The following MRPL13 variants were observed in gnomAD, a reference collection of about 807,000 sequenced individuals.
MRPL13 encodes the protein mitochondrial ribosomal protein L13.
In MRPL13, 33 loss-of-function variants were observed where a neutral mutation model predicts 29.0. That is an observed-to-expected ratio of 1.14 (90% confidence interval 0.86 to 1.52). MRPL13 has a LOEUF of 1.52. Ranked by LOEUF, MRPL13 falls within the 40% of genes most tolerant of loss-of-function variation. The probability of loss-of-function intolerance (pLI) is 0.00; values close to 1 mark genes in which losing one functional copy is unlikely to be tolerated. For missense variants in MRPL13, 227 were observed against 216.7 expected, an observed-to-expected ratio of 1.05 and a Z score of -0.30; for synonymous variants, 77 against 68.4, an observed-to-expected ratio of 1.13 and a Z score of -0.62.
rs145713590 is a variant in MRPL13 at position 120,440,396 on chromosome 8, C to A, written c.151+2789G>T. 1.8e-3 allele frequency among the ~76,000 whole-genome samples: 273 copies of A among 152,240 alleles called. 1 individual carries two copies. The highest frequency in any genetic ancestry group is 6.3e-3 in the African/African-American group (262 of 41,544). ...CCAAGGTGGGTGGATCACCTGCGGT[C>A]AGGAGTTCCAGACCAGCCTGGCAAC... On this transcript the variant is annotated intron_variant, in intron 2 of 6. Transcript: ENST00000306185.
intron 1 of MRPL13, chr8:120,444,851 T>C (rs533221704): frequency 9.4e-6 from 3 of 319,972 alleles, no homozygotes; most frequent in African/African-American, 4.8e-5. Context: ...AAGAAAGACA[T>C]GAAAAGGGCA....
At chr8:120,419,689 A>C (rs1001839555) in intron 5 of MRPL13, 163 bp downstream of exon 5, 4 of 417,168 alleles carry the variant, frequency 9.6e-6, no homozygotes, top group Non-Finnish European at 1.7e-5. Context: ...TATTAATAGA[A>C]TTATCATTTT....
chr8:120,438,038 G>A (rs7004447), intron 2 of MRPL13, among the ~76,000 whole-genome samples: 2,091 of 152,200 alleles, frequency 0.014, 43 homozygotes, highest in African/African-American at 0.046. Flanking sequence ...TTCTGGACAC[G>A]AGAAGTTTTG....
At chr8:120,431,947 T>C (rs185270410) in intron 3 of MRPL13, 83 bp downstream of exon 3, 1 of 992,284 alleles carries the variant, frequency 1.0e-6, no homozygotes. Context: ...AAAAATATCT[T>C]TTTTCTTTTA....
At chr8:120,432,679 T>G (rs892690246) in intron 2 of MRPL13, among the ~76,000 whole-genome samples, 6 of 152,118 alleles carry the variant, frequency 3.9e-5, no homozygotes, top group African/African-American at 9.7e-5. Context: ...ACCATGTTTA[T>G]AGTAAATTTA....
In MRPL13 at chr8:120,425,270, T is replaced by C. The variant is rs750144203; in HGVS notation, c.306+36A>G. The C allele has an allele frequency of 2.6e-6, 4 of 1,539,310 alleles. No homozygotes were observed. The East Asian group carries it at 9.0e-5, about 35-fold the overall frequency. On this transcript the variant is annotated intron_variant, in intron 4 of 6. Transcript: ENST00000306185. ...ACAAAACAGTATCTGAATTGGTCTT[T>C]CCAAAGATGATTAATAAAAAATACA... is the stretch of plus-strand genomic sequence containing the variant.
intron 6 of MRPL13, among the ~76,000 whole-genome samples, chr8:120,400,821 A>G (rs1000381339): frequency 6.6e-6 from 1 of 152,058 alleles, no homozygotes; most frequent in Admixed American, 6.6e-5. Context: ...ATAAGGGGGT[A>G]TCACTACTGA....
chr8:120,427,910 C>A (rs2130475527), intron 3 of MRPL13, among the ~76,000 whole-genome samples: 1 of 152,090 alleles, frequency 6.6e-6, no homozygotes, highest in Middle Eastern at 3.4e-3. Context: ...GGCCATACTG[C>A]CCAAAGCAAT....
intron 3 of MRPL13, 148 bp from the exon 4 acceptor site, chr8:120,425,514 G>T (rs979388460): frequency 3.7e-6 from 2 of 544,186 alleles, no homozygotes; most frequent in East Asian, 6.1e-5. Context: ...AGTAATCTAC[G>T]CTTTTTGAAA....
intron 1 of MRPL13, 42 bp downstream of exon 1, chr8:120,445,026 C>A (rs985133076): frequency 6.2e-7 from 1 of 1,613,556 alleles, no homozygotes; most frequent in Non-Finnish European, 8.5e-7. Context: ...CTCCTTCTGC[C>A]AGTATAATGA....
intron 2 of MRPL13, among the ~76,000 whole-genome samples, chr8:120,440,448 A>G (rs1333247736): frequency 1.3e-5 from 2 of 152,122 alleles, no homozygotes; most frequent in Non-Finnish European, 2.9e-5. Flanking sequence ...TCTACTAAAA[A>G]TACAAACTTA....
chr8:120,412,428 C>T (rs924524255), intron 6 of MRPL13, among the ~76,000 whole-genome samples: 11 of 152,150 alleles, frequency 7.2e-5, no homozygotes, highest in African/African-American at 2.4e-4. Flanking sequence ...TGCTAAGTTG[C>T]TCACTTACTC....
intron 2 of MRPL13, 60 bp from the exon 3 acceptor site, chr8:120,432,183 C>A: frequency 7.6e-7 from 1 of 1,320,676 alleles, no homozygotes; most frequent in Non-Finnish European, 1.0e-6. Flanking sequence ...GAAAAAGTGG[C>A]CTTGGTTATT....
At chr8:120,406,822 T>C (rs931796729) in intron 6 of MRPL13, among the ~76,000 whole-genome samples, 2 of 152,186 alleles carry the variant, frequency 1.3e-5, no homozygotes, top group African/African-American at 2.4e-5. Flanking sequence ...TGCTAAACTT[T>C]CCATAGCTAT....
intron 6 of MRPL13, among the ~76,000 whole-genome samples, chr8:120,403,927 A>G (rs7814180): frequency 0.014 from 2,079 of 152,334 alleles, 43 homozygotes; most frequent in African/African-American, 0.046. Context: ...CTAGCCAGGT[A>G]TGCTTTGCCA....
chr8:120,418,460 T>C (rs1812830853), intron 5 of MRPL13, among the ~76,000 whole-genome samples: 1 of 152,116 alleles, frequency 6.6e-6, no homozygotes, highest in Non-Finnish European at 1.5e-5. Context: ...CCAGATGAGA[T>C]GCACCATGTT....
chr8:120,397,615 T>G (rs957153153), intron 6 of MRPL13, among the ~76,000 whole-genome samples: 6 of 152,144 alleles, frequency 3.9e-5, no homozygotes, highest in African/African-American at 1.4e-4. Flanking sequence ...GCCACACTGC[T>G]TCTTTAAGTG....
intron 4 of MRPL13, among the ~76,000 whole-genome samples, chr8:120,423,867 A>G (rs1401462507): frequency 6.6e-6 from 1 of 152,168 alleles, no homozygotes; most frequent in Non-Finnish European, 1.5e-5. Flanking sequence ...TTCAATTGGA[A>G]GAGTTTTTTT....
chr8:120,435,617 C>G (rs1226339205), intron 2 of MRPL13, among the ~76,000 whole-genome samples: 1 of 151,998 alleles, frequency 6.6e-6, no homozygotes, highest in Non-Finnish European at 1.5e-5. Context: ...CTGATGGGCA[C>G]TTAGGTTGAT....
Sources: allele counts gnomAD v4.1 joint callset (sites outside exome capture counted in the v4.1 genomes callset), GRCh38; gene constraint gnomAD v4.1.1; transcripts MANE v1.5; gene names NCBI Gene and HGNC (gene_info 2026-07-23, HGNC 2026-07-21).